The following MTMR10 variants were observed in gnomAD, a reference collection of about 807,000 sequenced individuals.
MTMR10 encodes the protein myotubularin-related protein 10.
In MTMR10, 56 loss-of-function variants were observed where a neutral mutation model predicts 88.1. The observed-to-expected ratio is 0.64, with a 90% CI of 0.51 to 0.79. The LOEUF is 0.79. Among genes scored for constraint, MTMR10 ranks in the 30% least tolerant of loss-of-function variants. MTMR10 has a pLI of 0.00. For missense variants in MTMR10, 883 were observed against 924.7 expected, an observed-to-expected ratio of 0.95 and a Z score of 0.58; for synonymous variants, 380 against 340.9, an observed-to-expected ratio of 1.11 and a Z score of -1.26.
chr15:30,974,219 C>T (rs2029932203), intron 5 of MTMR10, 95 bp downstream of exon 5: 1 of 1,161,754 alleles, frequency 8.6e-7, no homozygotes, highest in African/African-American at 1.6e-5. Context: ...CCCTAAAAAA[C>T]ATCTGAGCAA....
chr15:30,944,349 C>T (rs1369126778), intron 14 of MTMR10, among the ~76,000 whole-genome samples: 6 of 151,916 alleles, frequency 3.9e-5, no homozygotes, highest in East Asian at 1.9e-4. Flanking sequence ...AGGCGGATCA[C>T]GAGGTCAGGA....
At chr15:30,942,841 T>C (rs1202307280) in intron 15 of MTMR10, 49 bp downstream of exon 15, 2 of 1,482,182 alleles carry the variant, frequency 1.3e-6, no homozygotes, top group East Asian at 5.0e-5. Flanking sequence ...GAAAAAGAGG[T>C]GTTTGGTTAC....
intron 12 of MTMR10, chr15:30,949,243 G>A (rs2063210724): frequency 6.6e-6 from 1 of 152,156 alleles, no homozygotes; most frequent in African/African-American, 2.4e-5. Flanking sequence ...TACAATTAAT[G>A]TTATTCCCAT....
chr15:30,938,867 G>A (rs1028579722), downstream of MTMR10: 9 of 957,492 alleles, frequency 9.4e-6, no homozygotes, highest in African/African-American at 1.4e-4. Context: ...ACAGAAGTAT[G>A]GGTAGGAGAA....
intron 5 of MTMR10, among the ~76,000 whole-genome samples, chr15:30,972,906 C>T (rs555452253): frequency 1.3e-5 from 2 of 152,204 alleles, no homozygotes; most frequent in Non-Finnish European, 2.9e-5. Flanking sequence ...GAAAGAGATC[C>T]GGTCAATTGC....
At position 30,939,194 on chromosome 15, in the gene MTMR10, AAGTT is replaced by A. The variant is rs1368791495; in HGVS notation, c.*2272_*2275del. On this transcript the variant is annotated 3_prime_UTR_variant, in exon 16 of 16. Transcript: ENST00000435680. ...CAAATTAATATCCTTTCCTTAAATA[AAGTT>A]AGTTAGCTATTTTTGGTTTCAAAAT... The A allele has an allele frequency of 5.3e-5, 52 of 985,284 alleles. No individual in the cohort carries two copies. Among genetic ancestry groups the A allele is most frequent in the Admixed American group, 6.1e-5 (1 of 16,272 alleles). The allele number at this position is 985,284 out of a possible 1,614,324, so 61.0% of individuals were successfully genotyped here.
the MTMR10 span, chr15:30,928,237 A>G: frequency 2.3e-5 from 25 of 1,084,028 alleles, no homozygotes; most frequent in African/African-American, 3.9e-4. Flanking sequence ...GTATCTGCCT[A>G]TTTTTCTTTT....
intron 2 of MTMR10, among the ~76,000 whole-genome samples, chr15:30,989,240 A>G (rs1461578652): frequency 6.6e-6 from 1 of 152,110 alleles, no homozygotes; most frequent in Non-Finnish European, 1.5e-5. Context: ...ACTAAAACAG[A>G]GCACACAGGG....
Position 30,940,280 on chromosome 15 carries a change from T to C in MTMR10, c.*1190A>G, listed in dbSNP as rs1231406339. On this transcript the variant is annotated 3_prime_UTR_variant, in exon 16 of 16. Transcript: ENST00000435680. ...CTTGTCACACAGTTTGGAAATACTT[T>C]ACTTTAGAGAGATTCAGATCAAGCA... The C allele has an allele frequency of 4.4e-6, 4 of 913,720 alleles. No individual in the cohort carries two copies. Among genetic ancestry groups the C allele is most frequent in the Non-Finnish European group, 5.1e-6 (4 of 791,518 alleles). 56.6% of individuals were successfully genotyped at this position (913,720 alleles called of 1,614,324 possible).
chr15:30,955,432 G>A (rs1162949659), intron 9 of MTMR10, among the ~76,000 whole-genome samples: 1 of 152,112 alleles, frequency 6.6e-6, no homozygotes, highest in African/African-American at 2.4e-5. Context: ...CACCACACCT[G>A]GCTAAATTTC....
chr15:30,929,435 G>T, the MTMR10 span: 2 of 1,531,866 alleles, frequency 1.3e-6, no homozygotes, highest in South Asian at 2.4e-5. Flanking sequence ...TGCTCAGAAA[G>T]TTAACACCGC....
At chr15:30,937,064 A>G, downstream of MTMR10, 1 of 1,473,936 alleles carries the variant, frequency 6.8e-7, no homozygotes, top group Non-Finnish European at 9.3e-7. Flanking sequence ...ACTTACTTGA[A>G]TGGCTTTTCA....
At chr15:30,964,174 G>T (rs2063445131) in intron 6 of MTMR10, among the ~76,000 whole-genome samples, 2 of 152,176 alleles carry the variant, frequency 1.3e-5, no homozygotes, top group Non-Finnish European at 2.9e-5. Flanking sequence ...TGAACCAGCA[G>T]TCCTAGCCAA....
chr15:30,961,005 C>T lies in MTMR10; in HGVS notation c.634G>A (p.Gly212Ser). ...GGGGGGNGAG[G>S]GSSQKTPLFE... is the part of the protein sequence containing the mutation. The stretch of plus-strand genomic sequence containing the variant: ...AGTGGAGTTTTCTGGCTGCTGCCAC[C>T]ACCAGCTCCATTACCTCCTCCTCCT... The change falls in exon 7 of 16, where the codon GGT becomes AGT. Residue 212 changes from glycine to serine, a missense_variant. Around this residue, in one of 3 missense-constraint regions of MTMR10, gnomAD observed 414 missense variants for 423.2 expected, o/e 0.98. Coordinates refer to ENST00000435680, the MANE Select transcript of MTMR10 (RefSeq NM_017762.3). The T allele has an allele frequency of 6.3e-7, 1 of 1,579,676 alleles. No homozygotes were observed. The highest frequency in any genetic ancestry group is 1.2e-5 in the South Asian group (1 of 86,542).
rs1227351372 is a variant in MTMR10, at chr15:30,940,468, G to A, written c.*1002C>T. ...ACTATGAGAGAAGGACATCTGTGCA[G>A]GTGCCCAACTCGTAACCTCATTAGT... On this transcript the variant is annotated 3_prime_UTR_variant, in exon 16 of 16. Coordinates refer to ENST00000435680, the MANE Select transcript of MTMR10 (RefSeq NM_017762.3). 2.0e-6 allele frequency: 2 copies of A among 985,322 alleles called. No individual in the cohort carries two copies. The highest frequency in any genetic ancestry group is 2.4e-6 in the Non-Finnish European group (2 of 829,958). 61.0% of individuals were successfully genotyped at this position (985,322 alleles called of 1,614,324 possible). A position where few individuals can be genotyped will look rare whatever the true frequency, so the allele number is the denominator to read the frequency against.
rs2062995195 is a variant in MTMR10, at chr15:30,940,260, C to CACACAGTTTGGAAATACTTTACTTT, written c.*1185_*1209dup. 1 of 978,928 alleles carries CACACAGTTTGGAAATACTTTACTTT rather than the reference C, an allele frequency of 1.0e-6. No individual in the cohort carries two copies. Among genetic ancestry groups the CACACAGTTTGGAAATACTTTACTTT allele is most frequent in the South Asian group, 4.7e-5 (1 of 21,078 alleles). The allele number at this position is 978,928 out of a possible 1,614,324, so 60.6% of individuals were successfully genotyped here. A position where few individuals can be genotyped will look rare whatever the true frequency, so the allele number is the denominator to read the frequency against. On this transcript the variant is annotated 3_prime_UTR_variant, in exon 16 of 16. Transcript: ENST00000435680. ...GCTACAGTGGTAGGTAGGCTCTTGT[C>CACACAGTTTGGAAATACTTTACTTT]ACACAGTTTGGAAATACTTTACTTT... is the stretch of plus-strand genomic sequence containing the variant.
chr15:30,970,584 CAAT>C (rs1433330572), intron 5 of MTMR10, among the ~76,000 whole-genome samples: 3 of 152,048 alleles, frequency 2.0e-5, no homozygotes, highest in African/African-American at 7.2e-5. Flanking sequence ...TGCTCCAAGC[CAAT>C]AATAATAATA....
chr15:30,964,246 A>G (rs2063445985), intron 6 of MTMR10, among the ~76,000 whole-genome samples: 1 of 152,234 alleles, frequency 6.6e-6, no homozygotes, highest in African/African-American at 2.4e-5. Flanking sequence ...TTTAACAGTT[A>G]TGTAAAACAG....
At chr15:30,925,237 G>T in the MTMR10 span, 1 of 1,614,012 alleles carries the variant, frequency 6.2e-7, no homozygotes, top group Non-Finnish European at 8.5e-7. Context: ...GCTGTAAAAA[G>T]TTCAAGCACC....
Sources: allele counts gnomAD v4.1 joint callset (sites outside exome capture counted in the v4.1 genomes callset), GRCh38; gene constraint gnomAD v4.1.1; regional missense constraint gnomAD v4.1.1; transcripts MANE v1.5; gene names NCBI Gene and HGNC (gene_info 2026-07-23, HGNC 2026-07-21).